CUL4B: variants seen among roughly 807,000 people sequenced by gnomAD.
The protein encoded by CUL4B is cullin 4B, also known as cullin-4B.
CUL4B carries 1 observed loss-of-function variant against 69.2 expected under a neutral mutation model. The observed-to-expected ratio is 0.01, with a 90% confidence interval of 0.01 to 0.07. CUL4B has a LOEUF of 0.07. Among genes scored for constraint, CUL4B ranks in the 10% least tolerant of loss-of-function variants. The pLI is 1.00. For missense variants in CUL4B, 328 were observed against 638.8 expected (o/e 0.51, Z 5.24); for synonymous variants, 237 against 223.2 (o/e 1.06, Z -0.55).
chrX:120,548,408 TTTAC>T (rs1193401239), intron 2 of CUL4B, among the ~76,000 whole-genome samples: 5 of 112,360 alleles, frequency 4.4e-5, no homozygotes, highest in South Asian at 3.6e-4. Context: ...TGAATTAAAA[TTTAC>T]TTAAACGTTC....
intron 2 of CUL4B, among the ~76,000 whole-genome samples, chrX:120,556,864 T>C (rs1159288625): frequency 9.1e-6 from 1 of 109,650 alleles, no homozygotes; most frequent in Non-Finnish European, 1.9e-5. Context: ...TCTTACAAGG[T>C]ACTCATCAAT....
intron 2 of CUL4B, among the ~76,000 whole-genome samples, chrX:120,555,987 G>C (rs1338120928): frequency 9.7e-6 from 1 of 102,966 alleles, no homozygotes; most frequent in Non-Finnish European, 2.0e-5. Flanking sequence ...ACTACCCTAC[G>C]TACCCCAGAA....
At chrX:120,530,978 G>A (rs780643301) in intron 18 of CUL4B, among the ~76,000 whole-genome samples, 2 of 111,710 alleles carry the variant, frequency 1.8e-5, no homozygotes, top group East Asian at 2.8e-4. Context: ...TCTTTGATGT[G>A]TATGTGAAAA....
chrX:120,560,185 C>A lies in CUL4B; in HGVS notation c.454G>T (p.Val152Leu). The A allele has an allele frequency of 8.3e-7, 1 of 1,211,617 alleles. No homozygotes were observed. The highest frequency in any genetic ancestry group is 3.0e-5 in the East Asian group (1 of 33,866). The change falls in exon 1 of 20, where the codon GTG becomes TTG. Residue 152 changes from valine (V) to leucine (L), a missense_variant. By Grantham distance (32) the Val-to-Leu change is conservative (BLOSUM62 1). Transcript: ENST00000371322. Reference protein sequence around the residue: ...KSILISSVASVHHANGLAKSS... With the variant: ...KSILISSVASLHHANGLAKSS... ...TTGGCTAGGCCGTTTGCATGATGCACCGAAGCCACAGAAGAGATTAATATA... is the reference window on the plus strand; with the variant it reads ...TTGGCTAGGCCGTTTGCATGATGCAACGAAGCCACAGAAGAGATTAATATA...
chrX:120,568,090 G>T (rs1390210110), downstream of CUL4B, among the ~76,000 whole-genome samples: 1 of 111,636 alleles, frequency 9.0e-6, no homozygotes, highest in Non-Finnish European at 1.9e-5. Flanking sequence ...AATTAGCCAA[G>T]GAGTCTTAGT....
At chrX:120,543,493 TAAAC>T (rs2147333230) in intron 8 of CUL4B, among the ~76,000 whole-genome samples, 1 of 53,627 alleles carries the variant, frequency 1.9e-5, no homozygotes, top group East Asian at 5.5e-4. Flanking sequence ...AATTACCTTC[TAAAC>T]ACACACACAC....
At chrX:120,561,329 C>T (rs759113058), upstream of CUL4B, 11 of 559,938 alleles carry the variant, frequency 2.0e-5, no homozygotes, top group Admixed American at 2.0e-4. Flanking sequence ...CCCACTCCCT[C>T]CTTAACGGTC....
chrX:120,548,812 C>G (rs190827523), intron 2 of CUL4B, among the ~76,000 whole-genome samples: 1 of 111,227 alleles, frequency 9.0e-6, no homozygotes, highest in Non-Finnish European at 1.9e-5. Context: ...CCAGCCTGGG[C>G]AACAGAGAGA....
intron 2 of CUL4B, among the ~76,000 whole-genome samples, chrX:120,554,284 T>A (rs1924847149): frequency 1.8e-5 from 2 of 111,950 alleles, no homozygotes; most frequent in South Asian, 7.4e-4. Context: ...AACCAAGACT[T>A]AGAGAAGTAA....
rs1227468905 is a variant in CUL4B at position 120,526,655 on chromosome X, T to G, written c.*106A>C. 1 of 517,800 alleles carries G rather than the reference T, an allele frequency of 1.9e-6. No homozygotes were observed. Among genetic ancestry groups the G allele is most frequent in the East Asian group, 4.1e-5 (1 of 24,605 alleles). The allele number at this position is 517,800 out of a possible 1,213,427, so 42.7% of individuals were successfully genotyped here. ...AACTATTTCCATTAATTACACTGCT[T>G]CATTTGGTCATCGGTAGTAAAAAAG... On this transcript the variant is annotated 3_prime_UTR_variant, in exon 20 of 20. Transcript: ENST00000371322.
At position 120,540,258 on chromosome X, in the gene CUL4B, C is replaced by A. The variant is rs191612966; in HGVS notation, c.1636+112G>T. ...CAAACTTGATATACCAGCTAAGCAA[C>A]CTCAAACAAATCAGGAATTAGTAAT... On this transcript the variant is annotated intron_variant, in intron 11 of 19. Transcript: ENST00000371322. The A allele has an allele frequency of 1.1e-5, 8 of 720,703 alleles. No individual in the cohort carries two copies. In the Admixed American group the frequency reaches 2.1e-4, roughly 19 times the overall value. 59.4% of individuals were successfully genotyped at this position (720,703 alleles called of 1,213,427 possible).
upstream of CUL4B, among the ~76,000 whole-genome samples, chrX:120,563,327 G>C (rs1350478801): frequency 8.9e-6 from 1 of 111,924 alleles, no homozygotes; most frequent in Non-Finnish European, 1.9e-5. Context: ...TCTGCCTCCC[G>C]GGTTCAAGCG....
Position 120,553,985 on chromosome X carries a change from G to A in CUL4B, c.672+3939C>T, listed in dbSNP as rs143533281. Among the ~76,000 whole-genome samples, 526 of 111,044 alleles carry A rather than the reference G, an allele frequency of 4.7e-3. 2 individuals are homozygous for A. The highest frequency in any genetic ancestry group is 0.016 in the African/African-American group (488 of 30,551). On this transcript the variant is annotated intron_variant, in intron 2 of 19. Transcript: ENST00000371322. Reference sequence around the variant, plus strand: ...CTTTTTCTATTATTTTTTCAATTTCGCTAATGGTGTCTACTGAAGCACATT... The same window carrying A: ...CTTTTTCTATTATTTTTTCAATTTCACTAATGGTGTCTACTGAAGCACATT...
upstream of CUL4B, chrX:120,561,312 G>C: frequency 1.8e-6 from 1 of 554,213 alleles, no homozygotes; most frequent in Non-Finnish European, 3.3e-6. Context: ...CTGGCCCACC[G>C]GGAACTCCCA....
upstream of CUL4B, chrX:120,561,487 A>C (rs1031454878): frequency 2.6e-3 from 788 of 304,724 alleles, 2 homozygotes; most frequent in Non-Finnish European, 2.7e-3. Flanking sequence ...AGAAAAGTGG[A>C]TAGGAGGAGG....
intron 10 of CUL4B, among the ~76,000 whole-genome samples, 167 bp from the exon 11 acceptor site, chrX:120,540,729 C>G (rs1314052177): frequency 8.9e-6 from 1 of 112,097 alleles, no homozygotes; most frequent in Non-Finnish European, 1.9e-5. Context: ...TCTGAAACTC[C>G]TAGGCTGAAA....
At chrX:120,549,327 G>A (rs751198914) in intron 2 of CUL4B, among the ~76,000 whole-genome samples, 4 of 112,256 alleles carry the variant, frequency 3.6e-5, no homozygotes, top group Non-Finnish European at 7.5e-5. Flanking sequence ...GCCGAGGCGG[G>A]CAGATCATGA....
intron 2 of CUL4B, among the ~76,000 whole-genome samples, chrX:120,556,657 T>G (rs759147637): frequency 1.5e-4 from 16 of 108,800 alleles, no homozygotes; most frequent in Non-Finnish European, 2.3e-4. Context: ...CTGGGCAACA[T>G]AGCAAGACCC....
upstream of CUL4B, among the ~76,000 whole-genome samples, chrX:120,563,962 T>C (rs1443884869): frequency 8.9e-6 from 1 of 112,373 alleles, no homozygotes; most frequent in Non-Finnish European, 1.9e-5. Context: ...CTATCTCACA[T>C]GGTTATCTAA....
Sources: allele counts gnomAD v4.1 joint callset (sites outside exome capture counted in the v4.1 genomes callset), GRCh38; gene constraint gnomAD v4.1.1; transcripts MANE v1.5; gene names NCBI Gene and HGNC (gene_info 2026-07-23, HGNC 2026-07-21).